Variants in UBE3D observed in about 807,000 individuals in gnomAD.
The protein encoded by UBE3D is ubiquitin protein ligase E3D, also known as E3 ubiquitin-protein ligase E3D.
Under a neutral mutation model 49.6 loss-of-function variants are expected in UBE3D, and 48 were observed. The ratio of observed to expected loss-of-function variants is 0.97; its 90% CI spans 0.77 to 1.23. The LOEUF is 1.23. Ranked by LOEUF, UBE3D falls within the 50% of genes most tolerant of loss-of-function variation. The pLI, the probability that UBE3D is intolerant of heterozygous loss-of-function variation, is 0.00. For synonymous variants in UBE3D, 189 were observed against 174.2 expected, an observed-to-expected ratio of 1.08 and a Z score of -0.67; for missense variants, 452 against 468.4, an observed-to-expected ratio of 0.96 and a Z score of 0.32.
intron 9 of UBE3D, among the ~76,000 whole-genome samples, chr6:82,906,692 T>C (rs1417606835): frequency 6.6e-6 from 1 of 152,178 alleles, no homozygotes; most frequent in East Asian, 1.9e-4. Context: ...ACCTCATGTA[T>C]ACACATAAGA....
At chr6:83,007,337 A>C (rs1204706516) in intron 8 of UBE3D, among the ~76,000 whole-genome samples, 1 of 152,188 alleles carries the variant, frequency 6.6e-6, no homozygotes, top group South Asian at 2.1e-4. Flanking sequence ...TTATCCTTTC[A>C]AAAAGGTGGG....
At chr6:82,980,195 T>C (rs1165445848) in intron 8 of UBE3D, among the ~76,000 whole-genome samples, 1 of 152,164 alleles carries the variant, frequency 6.6e-6, no homozygotes, top group Non-Finnish European at 1.5e-5. Context: ...CCAATTTACA[T>C]TCCTGCCAAC....
chr6:83,022,672 C>T, intron 6 of UBE3D, 111 bp from the exon 7 acceptor site: 1 of 615,934 alleles, frequency 1.6e-6, no homozygotes, highest in Admixed American at 3.9e-5. Flanking sequence ...ATCCACATGC[C>T]AGACTTTTCT....
downstream of UBE3D, among the ~76,000 whole-genome samples, chr6:82,890,258 A>C (rs1477953205): frequency 6.6e-6 from 1 of 152,134 alleles, no homozygotes; most frequent in Non-Finnish European, 1.5e-5. Flanking sequence ...TGTCTCATAC[A>C]CACCAATTCA....
At chr6:82,942,899 G>T (rs1310399611) in intron 9 of UBE3D, among the ~76,000 whole-genome samples, 2 of 152,168 alleles carry the variant, frequency 1.3e-5, no homozygotes, top group Admixed American at 1.3e-4. Context: ...TGAGAAGAGG[G>T]CCACCATCAA....
At chr6:82,977,721 C>G (rs1333034596) in intron 8 of UBE3D, among the ~76,000 whole-genome samples, 1 of 151,922 alleles carries the variant, frequency 6.6e-6, no homozygotes, top group African/African-American at 2.4e-5. Context: ...GCTTGTAATC[C>G]CAGCTACTCA....
At chr6:83,023,641 CCAAACATCGTATGTTCTCCTT>C (rs1268995783) in intron 6 of UBE3D, among the ~76,000 whole-genome samples, 1 of 152,136 alleles carries the variant, frequency 6.6e-6, no homozygotes, top group Non-Finnish European at 1.5e-5. Context: ...GAATGGAAAA[CCAAACATCGTATGTTCTCCTT>C]CATAAGTGGG....
intron 8 of UBE3D, among the ~76,000 whole-genome samples, chr6:82,961,199 G>T (rs547388044): frequency 2.9e-4 from 44 of 152,312 alleles, no homozygotes; most frequent in African/African-American, 1.1e-3. Flanking sequence ...GCAAGAGAAA[G>T]GGAAAATGGT....
At chr6:82,899,989 C>A (rs932280097) in intron 9 of UBE3D, among the ~76,000 whole-genome samples, 3 of 152,284 alleles carry the variant, frequency 2.0e-5, no homozygotes, top group Non-Finnish European at 4.4e-5. Context: ...GGTGTTAAAG[C>A]ACAAGATATA....
At chr6:82,902,131 G>A (rs966408271) in intron 9 of UBE3D, among the ~76,000 whole-genome samples, 2 of 152,118 alleles carry the variant, frequency 1.3e-5, no homozygotes, top group Non-Finnish European at 2.9e-5. Context: ...CACAAATTTG[G>A]CTTCAAAAGT....
intron 8 of UBE3D, among the ~76,000 whole-genome samples, chr6:82,986,368 G>T (rs1427850845): frequency 6.6e-6 from 1 of 150,974 alleles, no homozygotes; most frequent in Non-Finnish European, 1.5e-5. Flanking sequence ...CTACTCGGGA[G>T]GCTGAGGCAG....
chr6:82,954,085 G>C (rs906112808), intron 9 of UBE3D, among the ~76,000 whole-genome samples: 1 of 152,242 alleles, frequency 6.6e-6, no homozygotes, highest in African/African-American at 2.4e-5. Context: ...AGGTCAGAAA[G>C]GGAGGCAGGG....
chr6:83,019,847 C>A (rs1319914393), intron 7 of UBE3D, among the ~76,000 whole-genome samples: 2 of 152,116 alleles, frequency 1.3e-5, no homozygotes, highest in Admixed American at 6.5e-5. Context: ...TTTCTGTGCC[C>A]CAGGATCAAA....
chr6:82,886,779 C>T, the UBE3D span, among the ~76,000 whole-genome samples: 2 of 152,204 alleles, frequency 1.3e-5, no homozygotes, highest in African/African-American at 4.8e-5. Flanking sequence ...ATAAATGTCT[C>T]TTGCCTGTGC....
intron 9 of UBE3D, among the ~76,000 whole-genome samples, chr6:82,933,910 A>G (rs1269873385): frequency 6.6e-6 from 1 of 152,208 alleles, no homozygotes; most frequent in East Asian, 1.9e-4. Flanking sequence ...TAGTGGGGCT[A>G]AAGTTAAGGT....
At chr6:82,952,841 C>T in intron 9 of UBE3D, among the ~76,000 whole-genome samples, 1 of 152,164 alleles carries the variant, frequency 6.6e-6, no homozygotes, top group Non-Finnish European at 1.5e-5. Context: ...ACTTAACATT[C>T]TTGGGTATGT....
At chr6:82,957,110 CAG>C (rs971301885) in intron 9 of UBE3D, among the ~76,000 whole-genome samples, 200 bp downstream of exon 9, 4 of 152,150 alleles carry the variant, frequency 2.6e-5, no homozygotes, top group Admixed American at 2.0e-4. Context: ...GCCTGGGCAA[CAG>C]AGAGAGTCTC....
At chr6:82,887,504 C>T (rs1455221357), downstream of UBE3D, among the ~76,000 whole-genome samples, 1 of 148,560 alleles carries the variant, frequency 6.7e-6, no homozygotes, top group African/African-American at 2.5e-5. Flanking sequence ...AGGTCAGGCG[C>T]TCGAGACCAG....
intron 8 of UBE3D, among the ~76,000 whole-genome samples, chr6:82,967,697 A>C (rs2149534): frequency 0.1 from 15,340 of 151,970 alleles, 884 homozygotes; most frequent in Non-Finnish European, 0.13. Context: ...GCTGGAGTGC[A>C]GTGGCGTGAT....
Sources: allele counts gnomAD v4.1 joint callset (sites outside exome capture counted in the v4.1 genomes callset), GRCh38; gene constraint gnomAD v4.1.1; transcripts MANE v1.5; gene names NCBI Gene and HGNC (gene_info 2026-07-23, HGNC 2026-07-21).